The following KCNH5 variants were observed in gnomAD, a reference collection of about 807,000 sequenced individuals.
The protein encoded by KCNH5 is voltage-gated delayed rectifier potassium channel KCNH5.
In KCNH5, 46 loss-of-function variants were observed where a neutral mutation model predicts 96.1. The ratio of observed to expected loss-of-function variants is 0.48; its 90% confidence interval spans 0.38 to 0.61. KCNH5 has a LOEUF of 0.61. KCNH5 is among the 20% of genes least tolerant of loss of function. The pLI is 0.00. For synonymous variants in KCNH5, 439 were observed against 449.8 expected (o/e 0.98, Z 0.30); for missense variants, 907 against 1,225.8 (o/e 0.74, Z 3.88).
At chr14:62,995,099 G>A (rs1156813242) in intron 4 of KCNH5, among the ~76,000 whole-genome samples, 5 of 152,024 alleles carry the variant, frequency 3.3e-5, no homozygotes, top group Non-Finnish European at 5.9e-5. Flanking sequence ...ATATGAATCA[G>A]AAATAAAATT....
chr14:62,883,746 G>A (rs931913710), intron 7 of KCNH5, among the ~76,000 whole-genome samples: 2 of 151,760 alleles, frequency 1.3e-5, no homozygotes, highest in Admixed American at 6.6e-5. Context: ...TTCCACCACA[G>A]ATATGTAGTA....
intron 10 of KCNH5, among the ~76,000 whole-genome samples, chr14:62,752,274 A>C (rs1158708283): frequency 6.6e-6 from 1 of 152,074 alleles, no homozygotes; most frequent in Non-Finnish European, 1.5e-5. Context: ...AGAGACAACA[A>C]AACATGCAGA....
At chr14:62,859,894 C>G (rs1887999849) in intron 7 of KCNH5, among the ~76,000 whole-genome samples, 1 of 152,182 alleles carries the variant, frequency 6.6e-6, no homozygotes, top group Non-Finnish European at 1.5e-5. Context: ...CATGAGGCCA[C>G]CGGTGCAGGC....
chr14:62,791,289 G>A (rs1191027828), intron 9 of KCNH5, among the ~76,000 whole-genome samples: 4 of 151,540 alleles, frequency 2.6e-5, no homozygotes, highest in Non-Finnish European at 5.9e-5. Context: ...CTAGTATGAA[G>A]GTTAAAAGTC....
intron 1 of KCNH5, among the ~76,000 whole-genome samples, chr14:63,023,637 C>A (rs1891470773): frequency 6.6e-6 from 1 of 152,052 alleles, no homozygotes; most frequent in Non-Finnish European, 1.5e-5. Flanking sequence ...ACATTCCACC[C>A]AAAGACAGTA....
At chr14:62,870,082 G>C (rs929986697) in intron 7 of KCNH5, among the ~76,000 whole-genome samples, 15 of 151,012 alleles carry the variant, frequency 9.9e-5, no homozygotes, top group Non-Finnish European at 1.6e-4. Context: ...CACTGCAAAA[G>C]AGACCTTTTA....
intron 7 of KCNH5, among the ~76,000 whole-genome samples, chr14:62,871,568 T>C (rs1199124984): frequency 6.6e-6 from 1 of 152,104 alleles, no homozygotes; most frequent in Non-Finnish European, 1.5e-5. Flanking sequence ...TAGAGTTGGG[T>C]TGGAAATTTA....
chr14:62,913,428 A>G (rs1469039617), intron 7 of KCNH5, among the ~76,000 whole-genome samples: 1 of 152,150 alleles, frequency 6.6e-6, no homozygotes, highest in Non-Finnish European at 1.5e-5. Context: ...GGGTTTTACC[A>G]TATTGTCCAG....
intron 7 of KCNH5, among the ~76,000 whole-genome samples, chr14:62,918,669 C>G (rs1343981005): frequency 1.3e-5 from 2 of 151,942 alleles, no homozygotes; most frequent in South Asian, 2.1e-4. Flanking sequence ...AAAAACCATA[C>G]AATAAATTCA....
intron 8 of KCNH5, among the ~76,000 whole-genome samples, chr14:62,811,136 T>G (rs960651941): frequency 6.6e-6 from 1 of 152,178 alleles, no homozygotes; most frequent in Admixed American, 6.6e-5. Flanking sequence ...CTTTATGATA[T>G]TCACTAAACC....
chr14:62,978,313 C>T (rs114721103), intron 6 of KCNH5, among the ~76,000 whole-genome samples: 61 of 152,268 alleles, frequency 4.0e-4, no homozygotes, highest in Middle Eastern at 3.4e-3. Context: ...CCCAGGGTGC[C>T]GCTGACCGTA....
At position 62,950,648 on chromosome 14, in the gene KCNH5, T is replaced by G. The variant is rs1178575501; in HGVS notation, c.943-89A>C. On this transcript the variant is annotated intron_variant, in intron 6 of 10. Transcript: ENST00000322893. ...AATACAATGGCTCACCTTCATAAAT[T>G]TAACCATCCAATTATATATTAAGAA... The G allele has an allele frequency of 2.0e-5, 22 of 1,083,836 alleles. No homozygotes were observed. In the East Asian group the frequency reaches 5.2e-4, roughly 26 times the overall value. The allele number at this position is 1,083,836 out of a possible 1,614,324, so 67.1% of individuals were successfully genotyped here.
chr14:62,738,850 T>C (rs1885213642), intron 10 of KCNH5, among the ~76,000 whole-genome samples: 1 of 151,994 alleles, frequency 6.6e-6, no homozygotes, highest in South Asian at 2.1e-4. Context: ...AAAAGGGCCC[T>C]TAATAAAAGG....
chr14:62,995,580 T>C (rs1186264273), intron 4 of KCNH5, among the ~76,000 whole-genome samples: 1 of 152,152 alleles, frequency 6.6e-6, no homozygotes. Context: ...TGCTCATAGA[T>C]AACTAGTGAA....
At chr14:62,761,100 A>G (rs1008423257) in intron 10 of KCNH5, among the ~76,000 whole-genome samples, 1 of 152,160 alleles carries the variant, frequency 6.6e-6, no homozygotes, top group Non-Finnish European at 1.5e-5. Context: ...CACCCCTGTA[A>G]TCCCAGCCCT....
At chr14:62,721,682 T>A (rs553529356) in intron 10 of KCNH5, among the ~76,000 whole-genome samples, 1 of 152,244 alleles carries the variant, frequency 6.6e-6, no homozygotes, top group East Asian at 1.9e-4. Context: ...TAGTCTAATT[T>A]CATTTCCATA....
chr14:62,961,518 G>A (rs1316171973), intron 6 of KCNH5, among the ~76,000 whole-genome samples: 2 of 152,116 alleles, frequency 1.3e-5, no homozygotes, highest in East Asian at 1.9e-4. Context: ...AAATGCTGAG[G>A]GAATGAGGTA....
chr14:62,860,655 T>G (rs1013357650), intron 7 of KCNH5, among the ~76,000 whole-genome samples: 1 of 152,188 alleles, frequency 6.6e-6, no homozygotes, highest in Admixed American at 6.5e-5. Context: ...TACCTCTTAG[T>G]GCCCATCTTT....
chr14:62,754,463 T>C (rs1278487576), intron 10 of KCNH5, among the ~76,000 whole-genome samples: 1 of 150,286 alleles, frequency 6.7e-6, no homozygotes, highest in Non-Finnish European at 1.5e-5. Flanking sequence ...GAAGGGATGA[T>C]TAAAAAAAAA....
Sources: allele counts gnomAD v4.1 joint callset (sites outside exome capture counted in the v4.1 genomes callset), GRCh38; gene constraint gnomAD v4.1.1; transcripts MANE v1.5; gene names NCBI Gene and HGNC (gene_info 2026-07-23, HGNC 2026-07-21).